The following TANC2 variants were observed in gnomAD, a reference collection of about 807,000 sequenced individuals.
TANC2 encodes the protein protein TANC2.
In TANC2, 26 loss-of-function variants were observed where a neutral mutation model predicts 210.5. The observed-to-expected ratio is 0.12, with a 90% CI of 0.09 to 0.17. TANC2 has a LOEUF of 0.17. TANC2 is among the 10% of genes least tolerant of loss of function. TANC2 has a pLI of 1.00. For missense variants in TANC2, 2,129 were observed against 2,608.9 expected, an observed-to-expected ratio of 0.82 and a Z score of 4.01; for synonymous variants, 931 against 967.1, an observed-to-expected ratio of 0.96 and a Z score of 0.69.
chr17:63,171,863 T>C (rs1305488006), intron 5 of TANC2, among the ~76,000 whole-genome samples: 1 of 152,242 alleles, frequency 6.6e-6, no homozygotes, highest in Non-Finnish European at 1.5e-5. Flanking sequence ...AAAGGTATTA[T>C]TTGTTTTACA....
chr17:63,399,508 G>T (rs950372202), intron 19 of TANC2, among the ~76,000 whole-genome samples: 2 of 152,202 alleles, frequency 1.3e-5, no homozygotes, highest in African/African-American at 4.8e-5. Flanking sequence ...GCAAACAGAA[G>T]CCTCTTCCTT....
intron 9 of TANC2, among the ~76,000 whole-genome samples, chr17:63,283,864 GTTCTAATGACTTTTTT>G (rs2044139522): frequency 6.6e-6 from 1 of 151,868 alleles, no homozygotes; most frequent in Non-Finnish European, 1.5e-5. Flanking sequence ...TCACTTATGA[GTTCTAATGACTTTTTT>G]TAATAGATTC....
intron 5 of TANC2, among the ~76,000 whole-genome samples, chr17:63,175,668 T>C (rs941969206): frequency 3.3e-5 from 5 of 151,934 alleles, no homozygotes; most frequent in African/African-American, 1.2e-4. Flanking sequence ...ATGTGCAAAA[T>C]TGGACTTTAC....
rs575642093 is a variant in TANC2, at chr17:63,099,814, C to T, written c.322+457C>T. ...TTTTAAAAGATAATTTAGATATTTT[C>T]CTCTACACTGGACATTAACTTCTTA... is the stretch of plus-strand genomic sequence containing the variant. On this transcript the variant is annotated intron_variant, in intron 4 of 27. Coordinates refer to ENST00000689528, the Ensembl canonical transcript of TANC2. Among the ~76,000 whole-genome samples, 31 of 152,056 alleles carry T rather than the reference C, an allele frequency of 2.0e-4. No homozygotes were observed. In the South Asian group the frequency reaches 6.4e-3, roughly 32 times the overall value.
At chr17:63,363,628 A>G (rs768795252) in intron 14 of TANC2, among the ~76,000 whole-genome samples, 2 of 152,188 alleles carry the variant, frequency 1.3e-5, no homozygotes, top group Non-Finnish European at 2.9e-5. Context: ...TCCTTTCCCC[A>G]AAGTATGTTC....
chr17:63,109,339 GATAACATAC>G (rs2037945947), intron 4 of TANC2, among the ~76,000 whole-genome samples: 1 of 151,506 alleles, frequency 6.6e-6, no homozygotes, highest in Non-Finnish European at 1.5e-5. Flanking sequence ...AGTGAGAAAA[GATAACATAC>G]AGAACATACA....
At chr17:63,189,964 T>A (rs1454004931) in intron 5 of TANC2, among the ~76,000 whole-genome samples, 4 of 152,230 alleles carry the variant, frequency 2.6e-5, no homozygotes, top group African/African-American at 9.6e-5. Flanking sequence ...TACCTTTGTT[T>A]GTGGTTATCC....
intron 9 of TANC2, among the ~76,000 whole-genome samples, chr17:63,268,912 C>T (rs564097594): frequency 7.2e-5 from 11 of 152,298 alleles, no homozygotes; most frequent in African/African-American, 2.4e-4. Flanking sequence ...AACAGATAGT[C>T]TCCTTTCTCT....
chr17:63,361,733 G>T (rs1195151873), intron 14 of TANC2, among the ~76,000 whole-genome samples: 8 of 152,190 alleles, frequency 5.3e-5, no homozygotes, highest in Non-Finnish European at 1.0e-4. Context: ...TTTCAGTCCC[G>T]CCATTCAGCA....
At chr17:63,090,279 T>C (rs2037135929) in intron 3 of TANC2, among the ~76,000 whole-genome samples, 1 of 151,334 alleles carries the variant, frequency 6.6e-6, no homozygotes, top group African/African-American at 2.4e-5. Flanking sequence ...TTGTTACATA[T>C]GTATACGTGT....
intron 12 of TANC2, among the ~76,000 whole-genome samples, chr17:63,342,606 C>T (rs1328662658): frequency 6.6e-6 from 1 of 152,128 alleles, no homozygotes; most frequent in Non-Finnish European, 1.5e-5. Context: ...GAATCCCCAT[C>T]TCTACTAAAA....
At chr17:63,294,842 A>G (rs2044487356) in intron 9 of TANC2, among the ~76,000 whole-genome samples, 1 of 152,210 alleles carries the variant, frequency 6.6e-6, no homozygotes, top group South Asian at 2.1e-4. Flanking sequence ...CGGATAAGAA[A>G]GTCACATTCT....
At position 63,316,667 on chromosome 17, in the gene TANC2, G is replaced by A. The variant is rs186418250; in HGVS notation, c.1441+1998G>A. On this transcript the variant is annotated intron_variant, in intron 10 of 27. Coordinates refer to ENST00000689528, the Ensembl canonical transcript of TANC2. The stretch of plus-strand genomic sequence containing the variant: ...AAGGAGTTAAGAGAGCTAAATATGC[G>A]GTTCTATATATCAGAATTACTCAGA... Among the ~76,000 whole-genome samples the A allele has an allele frequency of 9.2e-5, 14 of 152,112 alleles. No individual in the cohort carries two copies. In the East Asian group the frequency reaches 1.4e-3, roughly 15 times the overall value.
chr17:63,419,044 G>A (rs1159601071), intron 27 of TANC2, among the ~76,000 whole-genome samples: 1 of 152,176 alleles, frequency 6.6e-6, no homozygotes, highest in Non-Finnish European at 1.5e-5. Flanking sequence ...AAAGCTCCCA[G>A]AATAACCTAG....
chr17:63,198,204 C>CT (rs1006195425), intron 6 of TANC2, among the ~76,000 whole-genome samples: 44 of 146,236 alleles, frequency 3.0e-4, no homozygotes, highest in South Asian at 8.6e-4. Flanking sequence ...TTTTTTTTTT[C>CT]TTTTTTTTTG....
chr17:63,185,135 C>T (rs193020341), intron 5 of TANC2, among the ~76,000 whole-genome samples: 54 of 152,188 alleles, frequency 3.5e-4, no homozygotes, highest in African/African-American at 1.2e-3. Context: ...GCTGGGACTA[C>T]AGGCGTGCAC....
chr17:63,405,321 A>T, intron 20 of TANC2, 66 bp downstream of exon 20: 1 of 1,447,812 alleles, frequency 6.9e-7, no homozygotes, highest in Non-Finnish European at 9.2e-7. Context: ...CTTCTGATGC[A>T]CAGAGCAAAA....
chr17:63,394,099 G>T (rs2048078381), intron 17 of TANC2, among the ~76,000 whole-genome samples: 1 of 152,124 alleles, frequency 6.6e-6, no homozygotes. Context: ...TTTGATGTTT[G>T]CCTAACAGTG....
chr17:63,074,273 A>T (rs1367291640), intron 3 of TANC2, among the ~76,000 whole-genome samples: 2 of 152,094 alleles, frequency 1.3e-5, no homozygotes, highest in Non-Finnish European at 2.9e-5. Context: ...ATATATCTGG[A>T]TATCACTTTT....
Sources: allele counts gnomAD v4.1 joint callset (sites outside exome capture counted in the v4.1 genomes callset), GRCh38; gene constraint gnomAD v4.1.1; transcripts MANE v1.5; gene names NCBI Gene and HGNC (gene_info 2026-07-23, HGNC 2026-07-21).